The following ZNF143 variants were observed in gnomAD, a reference collection of about 807,000 sequenced individuals.
ZNF143 encodes SPH-binding factor.
In ZNF143, 49 loss-of-function variants were observed where a neutral mutation model predicts 74.1. The ratio of observed to expected loss-of-function variants is 0.66; its 90% CI spans 0.53 to 0.84. ZNF143 has a LOEUF of 0.84. Ranked by LOEUF, ZNF143 falls within the 40% of genes least tolerant of loss-of-function variation. ZNF143 has a pLI of 0.00. For missense variants in ZNF143, 637 were observed against 793.4 expected, an observed-to-expected ratio of 0.80 and a Z score of 2.37; for synonymous variants, 304 against 282.8, an observed-to-expected ratio of 1.07 and a Z score of -0.75.
intron 3 of ZNF143, 151 bp from the exon 4 acceptor site, chr11:9,473,790 G>C (rs559044744): frequency 6.4e-7 from 1 of 1,553,212 alleles, no homozygotes; most frequent in South Asian, 1.2e-5. Flanking sequence ...CACTGGATGT[G>C]TTATTGAATT....
At chr11:9,514,559 G>T (rs1228689024) in intron 13 of ZNF143, among the ~76,000 whole-genome samples, 2 of 152,190 alleles carry the variant, frequency 1.3e-5, no homozygotes, top group Admixed American at 1.3e-4. Context: ...AGAAAGTGCT[G>T]TGGCACCCTG....
At chr11:9,496,838 TC>T in intron 9 of ZNF143, among the ~76,000 whole-genome samples, 1 of 152,094 alleles carries the variant, frequency 6.6e-6, no homozygotes, top group East Asian at 1.9e-4. Flanking sequence ...TCTCAAGTAA[TC>T]CGTCCGCCTC....
In ZNF143 at chr11:9,505,134, C is replaced by T. The variant is rs1490055898; in HGVS notation, c.1148-3485C>T. On this transcript the variant is annotated intron_variant, in intron 11 of 15. Coordinates refer to ENST00000396602, the MANE Select transcript of ZNF143 (RefSeq NM_003442.6). ...GACTACAGGCGCATACCACCATGCC[C>T]AGCTAATTTTTGTATTTTTAGTAGA... Among the ~76,000 whole-genome samples the T allele has an allele frequency of 8.7e-5, 10 of 114,740 alleles. 1 individual carries two copies. The Admixed American group carries it at 9.4e-4, about 11-fold the overall frequency. 75.3% of individuals were successfully genotyped at this position (114,740 alleles called of 152,430 possible).
Position 9,479,458 on chromosome 11 carries a change from T to C in ZNF143, c.571-14T>C, listed in dbSNP as rs1196052708. On this transcript the variant is annotated splice_polypyrimidine_tract_variant and intron_variant, in intron 6 of 15. Coordinates refer to ENST00000396602, the MANE Select transcript of ZNF143 (RefSeq NM_003442.6). ...AAATGTAAAACATTTTAAAGCTTTA[T>C]TTTATTCCTATAGGTGTCCATTGAT... 1 of 1,604,730 alleles carries C rather than the reference T, an allele frequency of 6.2e-7. No homozygotes were observed. Among genetic ancestry groups the C allele is most frequent in the Non-Finnish European group, 8.5e-7 (1 of 1,175,224 alleles).
chr11:9,482,503 C>G (rs185689210), intron 7 of ZNF143, among the ~76,000 whole-genome samples: 20 of 151,530 alleles, frequency 1.3e-4, no homozygotes, highest in Admixed American at 2.0e-4. Flanking sequence ...ATCTCCTGAC[C>G]TCATGATCCG....
intron 13 of ZNF143, among the ~76,000 whole-genome samples, chr11:9,514,163 G>A (rs1425097153): frequency 1.3e-5 from 2 of 152,166 alleles, no homozygotes; most frequent in Non-Finnish European, 2.9e-5. Flanking sequence ...CTCCCAGAGC[G>A]CTGGGATTTC....
intron 7 of ZNF143, among the ~76,000 whole-genome samples, chr11:9,486,352 T>TTA (rs1456957189): frequency 3.4e-5 from 2 of 59,236 alleles, no homozygotes; most frequent in African/African-American, 7.2e-5. Flanking sequence ...TATATATATA[T>TTA]TATATATATA....
rs544497040 is a variant in ZNF143, at chr11:9,485,347, CTT to C, written c.645+5821_645+5822del. On this transcript the variant is annotated intron_variant, in intron 7 of 15. Transcript: ENST00000396602. ...TTTGTTGTTGTTTTTTTCTCTCTCT[CTT>C]TTTTTTTTTTTTTTTTTTTGAGAAG... Among the ~76,000 whole-genome samples the C allele has an allele frequency of 9.6e-3, 1,061 of 110,344 alleles. 3 individuals are homozygous for C. Among genetic ancestry groups the C allele is most frequent in the African/African-American group, 0.033 (965 of 28,882 alleles). 72.4% of individuals were successfully genotyped at this position (110,344 alleles called of 152,430 possible). A position where few individuals can be genotyped will look rare whatever the true frequency, so the allele number is the denominator to read the frequency against.
At chr11:9,499,059 AC>A (rs1292025961) in intron 10 of ZNF143, among the ~76,000 whole-genome samples, 2 of 152,226 alleles carry the variant, frequency 1.3e-5, no homozygotes, top group Non-Finnish European at 2.9e-5. Context: ...GCTATATCAA[AC>A]CAATAATCTA....
chr11:9,525,733 G>T (rs1849103066), intron 15 of ZNF143, among the ~76,000 whole-genome samples: 1 of 152,176 alleles, frequency 6.6e-6, no homozygotes, highest in Admixed American at 6.5e-5. Context: ...GAAAAACCTA[G>T]TGGAAACACA....
intron 11 of ZNF143, among the ~76,000 whole-genome samples, chr11:9,508,205 A>G (rs1228716252): frequency 6.6e-6 from 1 of 152,218 alleles, no homozygotes; most frequent in Non-Finnish European, 1.5e-5. Context: ...TTTAAAGACA[A>G]TCCTTTTTTA....
chr11:9,520,714 G>A (rs111322200), intron 14 of ZNF143, among the ~76,000 whole-genome samples: 5,607 of 152,206 alleles, frequency 0.037, 313 homozygotes, highest in African/African-American at 0.12. Flanking sequence ...GCTTGAACCC[G>A]GTAGGTGGAG....
At chr11:9,475,840 T>C (rs924918909) in intron 5 of ZNF143, among the ~76,000 whole-genome samples, 22 of 151,768 alleles carry the variant, frequency 1.4e-4, no homozygotes, top group African/African-American at 5.3e-4. Context: ...GAGGTTGCAG[T>C]GTAGTTGAGA....
At chr11:9,501,395 T>C (rs370234138) in intron 11 of ZNF143, 125 bp downstream of exon 11, 40 of 1,149,706 alleles carry the variant, frequency 3.5e-5, no homozygotes, top group Non-Finnish European at 9.8e-6. Flanking sequence ...GGAAAGAGAT[T>C]AAGCAACTTG....
chr11:9,518,914 T>C (rs1490591301), intron 14 of ZNF143, among the ~76,000 whole-genome samples: 1 of 152,232 alleles, frequency 6.6e-6, no homozygotes, highest in East Asian at 1.9e-4. Flanking sequence ...ATTTACAGAA[T>C]TAACAAGCAA....
intron 7 of ZNF143, among the ~76,000 whole-genome samples, chr11:9,486,388 A>ATATATATAT (rs1847501806): frequency 5.4e-5 from 1 of 18,460 alleles, no homozygotes; most frequent in African/African-American, 2.2e-4. Context: ...TATATATATA[A>ATATATATAT]TATATATAAT....
intron 7 of ZNF143, among the ~76,000 whole-genome samples, chr11:9,491,697 T>TA (rs1290308814): frequency 1.3e-5 from 2 of 151,878 alleles, no homozygotes; most frequent in African/African-American, 4.8e-5. Flanking sequence ...GTGGCACAAA[T>TA]ACAGCTCGCT....
intron 7 of ZNF143, among the ~76,000 whole-genome samples, chr11:9,492,622 AT>A (rs1847824171): frequency 6.6e-6 from 1 of 152,188 alleles, no homozygotes; most frequent in Non-Finnish European, 1.5e-5. Context: ...AAATTGAACA[AT>A]TATCACAATC....
intron 6 of ZNF143, among the ~76,000 whole-genome samples, chr11:9,479,032 T>C (rs976925391): frequency 2.0e-5 from 3 of 152,172 alleles, no homozygotes; most frequent in African/African-American, 7.2e-5. Flanking sequence ...GTAGGAACTA[T>C]AGATTAGGAA....
Sources: gnomAD v4.1 joint callset for allele counts (sites outside exome capture counted in the v4.1 genomes callset) on GRCh38, gnomAD v4.1.1 for gene constraint, MANE v1.5 for transcripts, NCBI Gene and HGNC (gene_info 2026-07-23, HGNC 2026-07-21) for gene names.